SPATS2: variants seen among roughly 807,000 people sequenced by gnomAD.
SPATS2 encodes spermatogenesis-associated serine-rich protein 2.
SPATS2 carries 38 observed loss-of-function variants against 63.7 expected under a neutral mutation model. The observed-to-expected ratio is 0.60, with a 90% confidence interval of 0.46 to 0.78. The LOEUF (loss-of-function observed/expected upper bound fraction) is 0.78. SPATS2 is among the 30% of genes least tolerant of loss of function. The pLI is 0.00. For missense variants in SPATS2, 588 were observed against 666.2 expected, an observed-to-expected ratio of 0.88 and a Z score of 1.29; for synonymous variants, 207 against 232.9, an observed-to-expected ratio of 0.89 and a Z score of 1.01.
chr12:49,480,711 T>A (rs911288471), intron 3 of SPATS2, among the ~76,000 whole-genome samples: 1 of 152,194 alleles, frequency 6.6e-6, no homozygotes, highest in Non-Finnish European at 1.5e-5. Flanking sequence ...GTGGTTTTTA[T>A]TGGGGCTGTA....
chr12:49,369,510 G>C (rs910900885), intron 1 of SPATS2, among the ~76,000 whole-genome samples: 1 of 152,188 alleles, frequency 6.6e-6, no homozygotes, highest in African/African-American at 2.4e-5. Flanking sequence ...TGTATCGGAT[G>C]CCTTTTTTAA....
chr12:49,385,421 T>A (rs1944298030), intron 2 of SPATS2, among the ~76,000 whole-genome samples: 1 of 147,788 alleles, frequency 6.8e-6, no homozygotes, highest in African/African-American at 2.5e-5. Context: ...AGAGACAGAT[T>A]CAGATGTAGT....
chr12:49,367,369 G>A (rs989264378), upstream of SPATS2: 14 of 394,284 alleles, frequency 3.6e-5, no homozygotes, highest in African/African-American at 2.1e-4. Context: ...ATCTCCGGCA[G>A]CATCCTGCAG....
In SPATS2 at chr12:49,498,790, A is replaced by ATT. The variant is rs147335434; in HGVS notation, c.704-1261_704-1260dup. Among the ~76,000 whole-genome samples the ATT allele has an allele frequency of 1.9e-3, 177 of 95,046 alleles. 3 individuals are homozygous for ATT. Among genetic ancestry groups the ATT allele is most frequent in the African/African-American group, 3.5e-3 (90 of 25,740 alleles). The allele number at this position is 95,046 out of a possible 152,430, so 62.4% of individuals were successfully genotyped here. On this transcript the variant is annotated intron_variant, in intron 8 of 13. Transcript: ENST00000552918. ...CTACCTTCTTGAACATATGGTATCTATTTTTTTTTTTTTTTTTTTTGAGAT... is the reference window on the plus strand; with the variant it reads ...CTACCTTCTTGAACATATGGTATCTATTTTTTTTTTTTTTTTTTTTTTGAGAT...
chr12:49,456,498 T>C (rs1945721694), intron 2 of SPATS2, among the ~76,000 whole-genome samples: 1 of 152,218 alleles, frequency 6.6e-6, no homozygotes, highest in Non-Finnish European at 1.5e-5. Flanking sequence ...TGGCTTTTAT[T>C]TTGAATGAAA....
intron 2 of SPATS2, among the ~76,000 whole-genome samples, chr12:49,436,624 C>T (rs1181171242): frequency 1.5e-5 from 2 of 131,620 alleles, no homozygotes; most frequent in Non-Finnish European, 3.4e-5. Context: ...CCCCACCTCC[C>T]TCCCGGACGG....
chr12:49,496,783 T>G (rs772162603), intron 7 of SPATS2, 50 bp from the exon 8 acceptor site: 31 of 1,578,366 alleles, frequency 2.0e-5, no homozygotes, highest in Non-Finnish European at 2.6e-5. Context: ...TAAGAATGAC[T>G]GGTTTACTCC....
intron 2 of SPATS2, 148 bp from the exon 3 acceptor site, chr12:49,460,622 T>G (rs774795528): frequency 5.6e-6 from 1 of 179,528 alleles, no homozygotes; most frequent in Non-Finnish European, 1.1e-5. Context: ...AGAAAAATTC[T>G]GCTTTTCAGC....
chr12:49,422,405 C>T (rs1944998983), intron 2 of SPATS2, among the ~76,000 whole-genome samples: 1 of 152,176 alleles, frequency 6.6e-6, no homozygotes, highest in South Asian at 2.1e-4. Flanking sequence ...CTCAAGCCTT[C>T]CTGCTTTTTT....
At chr12:49,475,607 G>T (rs918041932) in intron 3 of SPATS2, among the ~76,000 whole-genome samples, 1 of 152,000 alleles carries the variant, frequency 6.6e-6, no homozygotes, top group East Asian at 1.9e-4. Context: ...CACCTGGCTA[G>T]TTTTTAAAAT....
At chr12:49,436,957 G>A (rs1446987612) in intron 2 of SPATS2, among the ~76,000 whole-genome samples, 1 of 142,842 alleles carries the variant, frequency 7.0e-6, no homozygotes, top group East Asian at 2.1e-4. Context: ...CCGGGCAGGG[G>A]GCTAACCCCC....
chr12:49,475,699 C>A (rs1946106021), intron 3 of SPATS2, among the ~76,000 whole-genome samples: 1 of 152,202 alleles, frequency 6.6e-6, no homozygotes, highest in African/African-American at 2.4e-5. Context: ...GCCTTGGCCT[C>A]CCAAAGTGCT....
At chr12:49,383,779 T>C (rs1220021133) in intron 2 of SPATS2, among the ~76,000 whole-genome samples, 1 of 152,196 alleles carries the variant, frequency 6.6e-6, no homozygotes, top group Non-Finnish European at 1.5e-5. Flanking sequence ...AATTAATGGA[T>C]ATATCTAGGT....
At position 49,514,611 on chromosome 12, in the gene SPATS2, CAAGT is replaced by C. The variant is rs1466345355; in HGVS notation, c.898+2_898+5del. 5.0e-6 allele frequency: 8 copies of C among 1,613,040 alleles called. No homozygotes were observed. Among genetic ancestry groups the C allele is most frequent in the Non-Finnish European group, 5.9e-6 (7 of 1,179,522 alleles). ...GAAATGGACAAAGTGAAAGCTGAAG[CAAGT>C]AAGATGATTGATCTTTAATTAAAGC... On this transcript the variant is annotated splice_donor_variant and coding_sequence_variant, in exon 10 of 14. Transcript: ENST00000552918. LOFTEE classifies it high-confidence loss of function.
At chr12:49,472,221 C>T (rs1053692406) in intron 3 of SPATS2, among the ~76,000 whole-genome samples, 3 of 151,990 alleles carry the variant, frequency 2.0e-5, no homozygotes, top group Non-Finnish European at 4.4e-5. Flanking sequence ...CTCCTATATA[C>T]CTATAACTCA....
chr12:49,430,099 GTTTTTTTTTTT>G (rs536889902), intron 2 of SPATS2, among the ~76,000 whole-genome samples: 2 of 98,432 alleles, frequency 2.0e-5, no homozygotes, highest in East Asian at 2.8e-4. Flanking sequence ...CATATTTCTT[GTTTTTTTTTTT>G]TTTTTTTTGA....
intron 2 of SPATS2, among the ~76,000 whole-genome samples, chr12:49,431,677 G>C (rs1362082155): frequency 1.3e-5 from 2 of 152,164 alleles, no homozygotes; most frequent in Non-Finnish European, 2.9e-5. Flanking sequence ...TGTTGCATTG[G>C]ATAACCTTGA....
At chr12:49,456,397 G>C (rs896318340) in intron 2 of SPATS2, among the ~76,000 whole-genome samples, 1 of 152,218 alleles carries the variant, frequency 6.6e-6, no homozygotes, top group African/African-American at 2.4e-5. Context: ...GAGTGTAAAA[G>C]GGATGATAAA....
intron 3 of SPATS2, among the ~76,000 whole-genome samples, chr12:49,464,410 G>A (rs1423907127): frequency 3.3e-5 from 5 of 150,812 alleles, no homozygotes; most frequent in African/African-American, 7.3e-5. Context: ...ATCTGAGGTT[G>A]GGAGTTCGAG....
Sources: gnomAD v4.1 joint callset for allele counts (sites outside exome capture counted in the v4.1 genomes callset) on GRCh38, gnomAD v4.1.1 for gene constraint, MANE v1.5 for transcripts, NCBI Gene and HGNC (gene_info 2026-07-23, HGNC 2026-07-21) for gene names.